Variants in INTU observed in about 807,000 individuals in gnomAD.
The protein encoded by INTU is inturned planar cell polarity protein.
In INTU, 68 loss-of-function variants were observed where a neutral mutation model predicts 100.5. The observed-to-expected ratio is 0.68, with a 90% CI of 0.56 to 0.83. INTU has a LOEUF of 0.83. INTU is among the 40% of genes least tolerant of loss of function. The probability of loss-of-function intolerance (pLI) is 0.00; values close to 1 mark genes in which losing one functional copy is unlikely to be tolerated. For missense variants in INTU, 1,071 were observed against 1,114.7 expected, an observed-to-expected ratio of 0.96 and a Z score of 0.56; for synonymous variants, 357 against 395.7, an observed-to-expected ratio of 0.90 and a Z score of 1.16.
At chr4:127,707,845 G>T (rs1416084508) in intron 12 of INTU, among the ~76,000 whole-genome samples, 1 of 152,120 alleles carries the variant, frequency 6.6e-6, no homozygotes, top group Non-Finnish European at 1.5e-5. Context: ...GGGAGGCTTT[G>T]TACTTATTCT....
chr4:127,654,313 A>C (rs928201703), intron 2 of INTU, among the ~76,000 whole-genome samples: 8 of 152,146 alleles, frequency 5.3e-5, no homozygotes, highest in African/African-American at 1.9e-4. Flanking sequence ...GTTTCTTCGT[A>C]GTCTCAATGG....
Position 127,680,243 on chromosome 4 carries a change from A to G in INTU, c.1182-4166A>G, listed in dbSNP as rs201776625. ...AACAGAAAAAGAGGGAATCCTCCCT[A>G]ACTCATTTTATGAGGCCAGCATCAT... On this transcript the variant is annotated intron_variant, in intron 6 of 15. Transcript: ENST00000335251. Among the ~76,000 whole-genome samples, 332 of 152,224 alleles carry G rather than the reference A, an allele frequency of 2.2e-3. 8 individuals are homozygous for G. In the East Asian group the frequency reaches 0.043, roughly 20 times the overall value.
chr4:127,713,410 T>C (rs1731159336), intron 14 of INTU, among the ~76,000 whole-genome samples: 1 of 152,202 alleles, frequency 6.6e-6, no homozygotes, highest in South Asian at 2.1e-4. Flanking sequence ...TCCAAATGAG[T>C]CATTGTTTTG....
chr4:127,682,818 A>G (rs1729642395), intron 6 of INTU, among the ~76,000 whole-genome samples: 2 of 152,222 alleles, frequency 1.3e-5, no homozygotes, highest in Admixed American at 6.5e-5. Flanking sequence ...ATTGGAGAAC[A>G]TCCAGAATGA....
chr4:127,640,292 A>C (rs183227740), intron 1 of INTU, among the ~76,000 whole-genome samples: 4 of 151,950 alleles, frequency 2.6e-5, no homozygotes, highest in Non-Finnish European at 4.4e-5. Context: ...ATAGAACAAA[A>C]TTTGAACTCA....
chr4:127,691,649 A>G (rs1049643842), intron 8 of INTU, among the ~76,000 whole-genome samples: 1 of 151,836 alleles, frequency 6.6e-6, no homozygotes. Flanking sequence ...GGTTACATGA[A>G]TAAGTCCATT....
At chr4:127,639,458 T>G (rs2126173646) in intron 1 of INTU, among the ~76,000 whole-genome samples, 1 of 152,236 alleles carries the variant, frequency 6.6e-6, no homozygotes, top group African/African-American at 2.4e-5. Flanking sequence ...TATGTATTGA[T>G]TTCTTTAATT....
intron 10 of INTU, among the ~76,000 whole-genome samples, chr4:127,704,564 G>A (rs1220797739): frequency 1.3e-5 from 2 of 151,852 alleles, no homozygotes; most frequent in African/African-American, 4.8e-5. Flanking sequence ...CAAAGTACTG[G>A]GATTACAGGC....
At chr4:127,678,456 TAAAG>T (rs1205076130) in intron 6 of INTU, among the ~76,000 whole-genome samples, 1 of 152,132 alleles carries the variant, frequency 6.6e-6, no homozygotes, top group Non-Finnish European at 1.5e-5. Flanking sequence ...TCAACATTCT[TAAAG>T]AGAAGAATTT....
Position 127,674,191 on chromosome 4 carries a change from C to A in INTU, c.1159C>A (p.Leu387Ile). ...AYWKESDKLL[L>I]IGLPAEEVPL... is the part of the protein sequence containing the mutation. ...TTGGAAAGAATCTGACAAGTTGTTG[C>A]TAATTGGCCTGCCTGCTGAAGAGTA... is the stretch of plus-strand genomic sequence containing the variant. The change falls in exon 6 of 16, where the codon CTA becomes ATA. Residue 387 changes from leucine (L) to isoleucine (I), a missense_variant. Transcript: ENST00000335251. 1 of 1,611,062 alleles carries A rather than the reference C, an allele frequency of 6.2e-7. No homozygotes were observed. Among genetic ancestry groups the A allele is most frequent in the Non-Finnish European group, 8.5e-7 (1 of 1,178,556 alleles).
intron 10 of INTU, among the ~76,000 whole-genome samples, chr4:127,704,895 C>T (rs1026166243): frequency 3.3e-5 from 5 of 151,954 alleles, no homozygotes; most frequent in Non-Finnish European, 7.4e-5. Context: ...CGAGATCAGC[C>T]TGTCTAACAT....
intron 7 of INTU, chr4:127,686,844 G>A (rs530667810): frequency 6.6e-6 from 1 of 152,252 alleles, no homozygotes; most frequent in East Asian, 1.9e-4. Flanking sequence ...CTGGAATGTA[G>A]TAGTCACTCA....
chr4:127,663,685 T>C, intron 4 of INTU, 101 bp downstream of exon 4: 3 of 845,912 alleles, frequency 3.5e-6, no homozygotes, highest in Non-Finnish European at 5.6e-6. Context: ...TGAGTATATT[T>C]GATTTAAGCA....
intron 13 of INTU, among the ~76,000 whole-genome samples, chr4:127,709,138 A>G (rs1730999131): frequency 6.6e-6 from 1 of 152,196 alleles, no homozygotes; most frequent in Admixed American, 6.5e-5. Flanking sequence ...AGCTAAGGTT[A>G]CATTCCTCCC....
At chr4:127,702,792 C>T (rs762532233) in intron 9 of INTU, among the ~76,000 whole-genome samples, 4 of 152,036 alleles carry the variant, frequency 2.6e-5, no homozygotes, top group Non-Finnish European at 4.4e-5. Context: ...TTGGAGTCGA[C>T]CCCTCTCCAT....
intron 8 of INTU, among the ~76,000 whole-genome samples, chr4:127,692,422 C>G (rs981097259): frequency 2.6e-5 from 4 of 152,154 alleles, no homozygotes; most frequent in African/African-American, 9.7e-5. Flanking sequence ...CCTTAGCCCA[C>G]TTTTTGATGG....
chr4:127,662,651 C>T (rs1230325599), intron 3 of INTU, among the ~76,000 whole-genome samples: 2 of 152,150 alleles, frequency 1.3e-5, no homozygotes, highest in African/African-American at 4.8e-5. Flanking sequence ...GGGTCCCCAA[C>T]CCCCAGGCCA....
chr4:127,675,031 A>C lies in INTU; in HGVS notation c.1181+818A>C, dbSNP rs72616928. On this transcript the variant is annotated intron_variant, in intron 6 of 15. Coordinates refer to ENST00000335251, the MANE Select transcript of INTU (RefSeq NM_015693.4). Reference sequence around the variant, plus strand: ...ACATTGAAAACTAAGGGAGAAATAGACTACAAGTTTAGAGAATGGCCCTAA... The same window carrying C: ...ACATTGAAAACTAAGGGAGAAATAGCCTACAAGTTTAGAGAATGGCCCTAA... Among the ~76,000 whole-genome samples the C allele has an allele frequency of 3.2e-4, 49 of 152,322 alleles. No homozygotes were observed. In the South Asian group the frequency reaches 9.5e-3, roughly 30 times the overall value.
chr4:127,644,741 A>C (rs1727495906), intron 2 of INTU, among the ~76,000 whole-genome samples: 1 of 152,238 alleles, frequency 6.6e-6, no homozygotes, highest in Non-Finnish European at 1.5e-5. Flanking sequence ...AATGAGTAAA[A>C]TTTGAGGATA....
Sources: gnomAD v4.1 joint callset for allele counts (sites outside exome capture counted in the v4.1 genomes callset) on GRCh38, gnomAD v4.1.1 for gene constraint, MANE v1.5 for transcripts, NCBI Gene and HGNC (gene_info 2026-07-23, HGNC 2026-07-21) for gene names.